Variants in NLRP4 observed in about 807,000 individuals in gnomAD.
NLRP4 encodes the protein NACHT, LRR and PYD domains-containing protein 4.
Under a neutral mutation model 84.7 loss-of-function variants are expected in NLRP4, and 44 were observed. That is an observed-to-expected ratio of 0.52 (90% CI 0.41 to 0.67). The LOEUF is 0.67. NLRP4 is among the 30% of genes least tolerant of loss of function. The pLI, the probability that NLRP4 is intolerant of heterozygous loss-of-function variation, is 0.00. For synonymous variants in NLRP4, 544 were observed against 476.4 expected (o/e 1.14, Z -1.85); for missense variants, 1,260 against 1,219.4 (o/e 1.03, Z -0.50).
rs141036254 is a variant in NLRP4, at chr19:55,874,258, C to T, written c.2526-2738C>T. On this transcript the variant is annotated intron_variant, in intron 7 of 9. Coordinates refer to ENST00000301295, the MANE Select transcript of NLRP4 (RefSeq NM_134444.5). ...ATAGTTTATTTAGCCATATATCAAA[C>T]ATCACTTCAATATGTAATCAGTACA... Among the ~76,000 whole-genome samples, 1,214 of 152,164 alleles carry T rather than the reference C, an allele frequency of 8.0e-3. 9 individuals are homozygous for T. Among genetic ancestry groups the T allele is most frequent in the Admixed American group, 0.029 (449 of 15,284 alleles).
chr19:55,856,342 CTG>C (rs948761253), intron 2 of NLRP4, among the ~76,000 whole-genome samples: 2 of 151,990 alleles, frequency 1.3e-5, no homozygotes, highest in African/African-American at 4.8e-5. Context: ...AGTCCAGCGT[CTG>C]TGTGTTCATG....
rs746364962 is a variant in NLRP4 at position 55,858,416 on chromosome 19, G to A, written c.1023G>A (p.Pro341=). Reference sequence around the variant, plus strand: ...AGCTGTTTTCCATATGCCAAATCCCGCTCCTCTGCTGGATCCTGTGTACCA... The same window carrying A: ...AGCTGTTTTCCATATGCCAAATCCCACTCCTCTGCTGGATCCTGTGTACCA... ...SEQLFSICQI[P]LLCWILCTSL... Residue 341 remains proline, a synonymous_variant, in exon 3 of 10, where the codon CCG becomes CCA. Transcript: ENST00000301295. The surrounding 1 kb of genome is among the most constrained non-coding windows in gnomAD (Gnocchi z 4.2). The A allele has an allele frequency of 2.6e-5, 42 of 1,613,946 alleles. 2 individuals are homozygous for A. In the South Asian group the frequency reaches 3.4e-4, roughly 13 times the overall value.
rs150317533 is a variant in NLRP4 at position 55,861,533 on chromosome 19, C to T, written c.2004C>T (p.Arg668=). The change falls in exon 4 of 10, where the codon CGC becomes CGT. Residue 668 remains arginine (R), a synonymous_variant. Coordinates refer to ENST00000301295, the MANE Select transcript of NLRP4 (RefSeq NM_134444.5). ...ACCAGCTGAGGCATCCCAGCTGTCG[C>T]CTTCAGAAGCTTGGGTGAGTTGAGA... The part of the protein sequence containing the change: ...WCNQLRHPSC[R]LQKLGINNVS... 1.2e-6 allele frequency: 2 copies of T among 1,613,824 alleles called. No homozygotes were observed. The highest frequency in any genetic ancestry group is 1.7e-6 in the Non-Finnish European group (2 of 1,179,940).
chr19:55,862,098 G>C lies in NLRP4; in HGVS notation c.2125G>C (p.Asp709His). The change falls in exon 5 of 10, where the codon GAT becomes CAT. Residue 709 changes from aspartate to histidine, a missense_variant. This residue lies in a region of NLRP4 where 544 missense variants were observed against 531.7 expected (regional missense o/e 1.02). Transcript: ENST00000301295. ...CTTCACCCTCACGAAACTCTCTCGT[G>C]ATGACATCAGGTCCCTCTGTGATGC... is the stretch of plus-strand genomic sequence containing the variant. ...LSFTLTKLSR[D>H]DIRSLCDALN... The C allele has an allele frequency of 6.2e-7, 1 of 1,613,826 alleles. No homozygotes were observed. The highest frequency in any genetic ancestry group is 1.7e-4 in the Middle Eastern group (1 of 6,060).
intron 5 of NLRP4, among the ~76,000 whole-genome samples, chr19:55,865,013 T>G (rs919754970): frequency 9.9e-5 from 15 of 152,224 alleles, no homozygotes; most frequent in Non-Finnish European, 1.9e-4. Context: ...TTATTTTACA[T>G]TCAGGGGTAC....
At chr19:55,850,427 G>GTGGCTGCGGTGTAATT (rs1984042783) in intron 1 of NLRP4, among the ~76,000 whole-genome samples, 2 of 31,136 alleles carry the variant, frequency 6.4e-5, no homozygotes, top group Non-Finnish European at 9.7e-5. Context: ...GCGGTGTAAT[G>GTGGCTGCGGTGTAATT]TCCGTGGCTG....
chr19:55,855,206 T>A lies in NLRP4; in HGVS notation c.281-2468T>A, dbSNP rs541008464. ...GCCTGGGTAACAGAGTGAGACCCTG[T>A]CTCAAAAAAGTAATTTATATAAAGA... On this transcript the variant is annotated intron_variant, in intron 2 of 9. Transcript: ENST00000301295. Among the ~76,000 whole-genome samples, 3 of 152,280 alleles carry A rather than the reference T, an allele frequency of 2.0e-5. No homozygotes were observed. In the South Asian group the frequency reaches 6.2e-4, roughly 32 times the overall value.
In NLRP4 at chr19:55,866,190, T is replaced by C. The variant is rs368598244; in HGVS notation, c.2187-1519T>C. Among the ~76,000 whole-genome samples, 17 of 152,216 alleles carry C rather than the reference T, an allele frequency of 1.1e-4. No individual in the cohort carries two copies. In the South Asian group the frequency reaches 2.7e-3, roughly 24 times the overall value. ...CTGGGACTACAGGTGCCCACCACCATGCCCAGCTAATTTTTGTATTTTTAG... is the reference window on the plus strand; with the variant it reads ...CTGGGACTACAGGTGCCCACCACCACGCCCAGCTAATTTTTGTATTTTTAG... On this transcript the variant is annotated intron_variant, in intron 5 of 9. Transcript: ENST00000301295.
rs963509847 is a variant in NLRP4, at chr19:55,857,850, A to G, written c.457A>G (p.Ile153Val). ...TGGGAAACAGCCACGTACAGTGATC[A>G]TTCAAGGACCACAAGGAATTGGAAA... ...EAGKQPRTVI[I>V]QGPQGIGKTT... is the part of the protein sequence containing the mutation. Residue 153 changes from isoleucine (I) to valine (V), a missense_variant, in exon 3 of 10, where the codon ATT (isoleucine) becomes GTT (valine). Physicochemically the swap from Ile to Val is conservative, Grantham distance 29. Coordinates refer to ENST00000301295, the MANE Select transcript of NLRP4 (RefSeq NM_134444.5). 3.1e-6 allele frequency: 5 copies of G among 1,613,758 alleles called. No homozygotes were observed. In the African/African-American group the frequency reaches 5.3e-5, roughly 17 times the overall value.
chr19:55,881,263 T>C (rs867556003), intron 9 of NLRP4, among the ~76,000 whole-genome samples: 7 of 152,018 alleles, frequency 4.6e-5, no homozygotes, highest in African/African-American at 1.7e-4. Context: ...TTGGCAAAGC[T>C]ATAAATTGGG....
chr19:55,876,679 A>C (rs1444421414), intron 7 of NLRP4, among the ~76,000 whole-genome samples: 2 of 152,122 alleles, frequency 1.3e-5, no homozygotes, highest in Non-Finnish European at 2.9e-5. Context: ...GTGTTTGCAT[A>C]TAATGTACAG....
intron 6 of NLRP4, 54 bp from the exon 7 acceptor site, chr19:55,870,773 C>A (rs184284582): frequency 1.5e-6 from 2 of 1,314,472 alleles, no homozygotes; most frequent in Admixed American, 1.7e-5. Context: ...AAGCAAATCT[C>A]CCTGAGACAC....
At chr19:55,863,192 C>T (rs1426426192) in intron 5 of NLRP4, among the ~76,000 whole-genome samples, 1 of 152,188 alleles carries the variant, frequency 6.6e-6, no homozygotes, top group East Asian at 1.9e-4. Context: ...TTGTTGATGG[C>T]AATGAGCCAG....
In NLRP4 at chr19:55,881,818, A is replaced by C; in HGVS notation, c.*231A>C. 3.0e-6 allele frequency: 1 copy of C among 338,422 alleles called. No homozygotes were observed. The highest frequency in any genetic ancestry group is 5.3e-6 in the Non-Finnish European group (1 of 188,156). The allele number at this position is 338,422 out of a possible 1,614,324, so 21.0% of individuals were successfully genotyped here. The stretch of plus-strand genomic sequence containing the variant: ...CTCTCGGTCTCACAAGGACCTCTTA[A>C]CCCCTCAATAAAGTGTTACATTTCT... On this transcript the variant is annotated 3_prime_UTR_variant, in exon 10 of 10. Transcript: ENST00000301295.
chr19:55,878,715 C>A, intron 8 of NLRP4, 79 bp from the exon 9 acceptor site: 1 of 1,302,158 alleles, frequency 7.7e-7, no homozygotes, highest in Non-Finnish European at 1.1e-6. Context: ...TGTGCCTCAA[C>A]TAGACGTCTA....
chr19:55,861,978 CT>C lies in NLRP4; in HGVS notation c.2019-11del, dbSNP rs1292883463. The stretch of plus-strand genomic sequence containing the variant: ...TTAGATGAAACTCATCCAAAATTTT[CT>C]TTGTTTTTGCAGAATAAATAACGTT... On this transcript the variant is annotated splice_polypyrimidine_tract_variant and intron_variant, in intron 4 of 9. Coordinates refer to ENST00000301295, the MANE Select transcript of NLRP4 (RefSeq NM_134444.5). 1.2e-6 allele frequency: 2 copies of C among 1,607,944 alleles called. No homozygotes were observed. Among genetic ancestry groups the C allele is most frequent in the Non-Finnish European group, 1.7e-6 (2 of 1,174,772 alleles).
intron 8 of NLRP4, 65 bp from the exon 9 acceptor site, chr19:55,878,729 C>G (rs1315541825): frequency 6.9e-7 from 1 of 1,449,332 alleles, no homozygotes; most frequent in Non-Finnish European, 9.4e-7. Flanking sequence ...ACGTCTAGCT[C>G]ACATCCCATC....
intron 2 of NLRP4, chr19:55,857,324 A>AGTGTGTGT (rs1568663632): frequency 3.6e-5 from 8 of 221,130 alleles, no homozygotes; most frequent in African/African-American, 2.8e-4. Context: ...AGTAGCAATG[A>AGTGTGTGT]ATGTGTGTGT....
At chr19:55,839,112 G>A (rs1243950652) in intron 1 of NLRP4, among the ~76,000 whole-genome samples, 1 of 151,948 alleles carries the variant, frequency 6.6e-6, no homozygotes, top group Non-Finnish European at 1.5e-5. Context: ...TTGTCCTAAT[G>A]CTCTCCCTCC....
Sources: gnomAD v4.1 joint callset for allele counts (sites outside exome capture counted in the v4.1 genomes callset) on GRCh38, gnomAD v4.1.1 for gene constraint, gnomAD v4.1.1 regional missense constraint, Gnocchi (gnomAD v3.1) non-coding constraint, MANE v1.5 for transcripts, NCBI Gene and HGNC (gene_info 2026-07-23, HGNC 2026-07-21) for gene names.